KALRN: variants seen among roughly 807,000 people sequenced by gnomAD.
KALRN encodes the protein kalirin RhoGEF kinase.
KALRN carries 70 observed loss-of-function variants against 353.7 expected under a neutral mutation model. That is an observed-to-expected ratio of 0.20 (90% confidence interval 0.16 to 0.24). The LOEUF is 0.24. Ranked by LOEUF, KALRN falls within the 10% of genes least tolerant of loss-of-function variation. The pLI, the probability that KALRN is intolerant of heterozygous loss-of-function variation, is 1.00. For missense variants in KALRN, 2,791 were observed against 3,756.7 expected (o/e 0.74, Z 6.72); for synonymous variants, 1,391 against 1,434.8 (o/e 0.97, Z 0.69).
intron 34 of KALRN, among the ~76,000 whole-genome samples, chr3:124,629,793 A>ATT (rs754729498): frequency 5.0e-4 from 65 of 129,032 alleles, no homozygotes; most frequent in Admixed American, 7.5e-4. Context: ...TTGCTTTTTC[A>ATT]TTTTTTCTCT....
chr3:124,351,456 C>T (rs1252730426), intron 10 of KALRN, among the ~76,000 whole-genome samples: 2 of 152,160 alleles, frequency 1.3e-5, no homozygotes, highest in African/African-American at 4.8e-5. Flanking sequence ...TTCTGAGCAC[C>T]CATTCTCTGT....
chr3:124,366,522 T>C (rs2149726256), intron 10 of KALRN, among the ~76,000 whole-genome samples: 1 of 146,942 alleles, frequency 6.8e-6, no homozygotes, highest in African/African-American at 2.5e-5. Context: ...GGGTTGGGGG[T>C]AAGGTCACAG....
chr3:124,499,804 C>G (rs1254367887), intron 33 of KALRN, among the ~76,000 whole-genome samples: 2 of 152,158 alleles, frequency 1.3e-5, no homozygotes, highest in Admixed American at 1.3e-4. Context: ...CCAGTGGCAG[C>G]CCTTAAGCCT....
At chr3:124,059,388 T>C (rs558784946) in intron 1 of KALRN, among the ~76,000 whole-genome samples, 2 of 152,124 alleles carry the variant, frequency 1.3e-5, no homozygotes, top group Admixed American at 1.3e-4. Flanking sequence ...CAAATACTTA[T>C]CTTTTTTTTT....
chr3:124,498,908 A>G (rs958887890), intron 33 of KALRN, among the ~76,000 whole-genome samples: 2 of 151,776 alleles, frequency 1.3e-5, no homozygotes, highest in Admixed American at 6.6e-5. Flanking sequence ...TGGCCAGGGA[A>G]CGCTGGTTTC....
At chr3:124,232,479 TCAA>T (rs1205087129) in intron 2 of KALRN, among the ~76,000 whole-genome samples, 1 of 152,194 alleles carries the variant, frequency 6.6e-6, no homozygotes, top group African/African-American at 2.4e-5. Context: ...CTCTTGGAGT[TCAA>T]CAGCCTGCCT....
rs367921272 is a variant in KALRN at position 124,517,308 on chromosome 3, T to C, written c.4935+20895T>C. On this transcript the variant is annotated intron_variant, in intron 33 of 59. Coordinates refer to ENST00000682506, the MANE Select transcript of KALRN (RefSeq NM_001388419.1). ...CAGGGTAACTGCCACTTCAGCTTGA[T>C]GCTGAAGTATTTTCTCTCACTAAAT... is the stretch of plus-strand genomic sequence containing the variant. Among the ~76,000 whole-genome samples the C allele has an allele frequency of 2.0e-3, 311 of 152,332 alleles. 1 individual carries two copies. Among genetic ancestry groups the C allele is most frequent in the Middle Eastern group, 6.8e-3 (2 of 294 alleles).
chr3:124,158,440 G>A (rs2069356322), intron 1 of KALRN, among the ~76,000 whole-genome samples: 2 of 152,240 alleles, frequency 1.3e-5, no homozygotes, highest in South Asian at 4.1e-4. Flanking sequence ...TAGTGCATCA[G>A]TAGAAGCCGG....
intron 33 of KALRN, among the ~76,000 whole-genome samples, chr3:124,511,600 C>T (rs1407384971): frequency 6.6e-6 from 1 of 152,194 alleles, no homozygotes; most frequent in Non-Finnish European, 1.5e-5. Flanking sequence ...CTTTCTAGGA[C>T]CTAGAGCCTC....
chr3:124,557,454 A>T (rs542525217), intron 33 of KALRN, among the ~76,000 whole-genome samples: 1 of 152,330 alleles, frequency 6.6e-6, no homozygotes, highest in African/African-American at 2.4e-5. Context: ...AAATGAAATC[A>T]CTTTCTGATG....
At chr3:124,147,931 G>A (rs1440604755) in intron 1 of KALRN, among the ~76,000 whole-genome samples, 4 of 152,222 alleles carry the variant, frequency 2.6e-5, no homozygotes, top group African/African-American at 9.6e-5. Flanking sequence ...TTGATTCAGA[G>A]CGTAAAACCT....
chr3:124,388,032 G>A lies in KALRN; in HGVS notation c.1962+2996G>A, dbSNP rs566749794. Reference sequence around the variant, plus strand: ...CATATATGTATATGTACATGTATATGTGTACACATGCACATATATGTGTAC... The same window carrying A: ...CATATATGTATATGTACATGTATATATGTACACATGCACATATATGTGTAC... On this transcript the variant is annotated intron_variant, in intron 11 of 59. Coordinates refer to ENST00000682506, the MANE Select transcript of KALRN (RefSeq NM_001388419.1). Among the ~76,000 whole-genome samples the A allele has an allele frequency of 2.6e-3, 395 of 152,020 alleles. 1 individual carries two copies. The highest frequency in any genetic ancestry group is 4.2e-3 in the Non-Finnish European group (283 of 67,970).
At chr3:124,610,720 A>G (rs910931120) in intron 34 of KALRN, among the ~76,000 whole-genome samples, 3 of 152,100 alleles carry the variant, frequency 2.0e-5, no homozygotes, top group Non-Finnish European at 4.4e-5. Context: ...TGGTGAATAC[A>G]ATTGGCTTGA....
intron 5 of KALRN, among the ~76,000 whole-genome samples, chr3:124,297,349 G>T (rs922240718): frequency 6.6e-6 from 1 of 152,234 alleles, no homozygotes; most frequent in African/African-American, 2.4e-5. Flanking sequence ...CAAATGGATT[G>T]TGAGGCTTAA....
chr3:124,719,672 G>T lies in KALRN; in HGVS notation c.*202G>T, dbSNP rs551105059. ...CCTAAATCAAGGGGCTTTTCAGAAGGTCATTCTGAAGAAATAAAGAGGCAA... is the reference window on the plus strand; with the variant it reads ...CCTAAATCAAGGGGCTTTTCAGAAGTTCATTCTGAAGAAATAAAGAGGCAA... On this transcript the variant is annotated 3_prime_UTR_variant, in exon 60 of 60. Transcript: ENST00000682506. The surrounding 1 kb of genome is among the most constrained non-coding windows in gnomAD (Gnocchi z 5.3). The T allele has an allele frequency of 1.8e-6, 1 of 559,260 alleles. No homozygotes were observed. The allele number at this position is 559,260 out of a possible 1,614,324, so 34.6% of individuals were successfully genotyped here.
intron 51 of KALRN, among the ~76,000 whole-genome samples, chr3:124,693,145 G>A (rs1219123882): frequency 1.3e-5 from 2 of 152,308 alleles, no homozygotes; most frequent in South Asian, 4.1e-4. Context: ...GAAAGGGTTG[G>A]AATGGTTGGG....
chr3:124,226,072 T>C (rs1391494061), intron 1 of KALRN, among the ~76,000 whole-genome samples: 2 of 152,174 alleles, frequency 1.3e-5, no homozygotes, highest in Non-Finnish European at 2.9e-5. Context: ...CAAAGGAAAA[T>C]CATGTATTTT....
chr3:124,097,876 T>G (rs1414368901), intron 1 of KALRN, among the ~76,000 whole-genome samples: 1 of 152,252 alleles, frequency 6.6e-6, no homozygotes, highest in East Asian at 1.9e-4. Flanking sequence ...TTGTGGTGTT[T>G]GTTACTGGGC....
At chr3:124,314,187 C>A (rs550896587) in intron 6 of KALRN, among the ~76,000 whole-genome samples, 6 of 152,148 alleles carry the variant, frequency 3.9e-5, no homozygotes, top group African/African-American at 1.4e-4. Flanking sequence ...AGGATGAGTT[C>A]ATGTCCTTTA....
Sources: gnomAD v4.1 joint callset for allele counts (sites outside exome capture counted in the v4.1 genomes callset) on GRCh38, gnomAD v4.1.1 for gene constraint, Gnocchi (gnomAD v3.1) non-coding constraint, MANE v1.5 for transcripts, NCBI Gene and HGNC (gene_info 2026-07-23, HGNC 2026-07-21) for gene names.